Variants in CSF1R observed in about 807,000 individuals in gnomAD.
The protein encoded by CSF1R is macrophage colony-stimulating factor 1 receptor.
A neutral mutation model predicts 110.0 loss-of-function variants in CSF1R; 40 were observed. The observed-to-expected ratio is 0.36, with a 90% CI of 0.28 to 0.47. CSF1R has a LOEUF of 0.47. CSF1R is among the 20% of genes least tolerant of loss of function. The probability of loss-of-function intolerance (pLI) is 0.99; values close to 1 mark genes in which losing one functional copy is unlikely to be tolerated. For synonymous variants in CSF1R, 523 were observed against 503.4 expected, an observed-to-expected ratio of 1.04 and a Z score of -0.52; for missense variants, 1,052 against 1,253.0, an observed-to-expected ratio of 0.84 and a Z score of 2.42.
Position 150,080,275 on chromosome 5 carries a change from T to G in CSF1R, c.369A>C (p.Ala123=), listed in dbSNP as rs147673106. Residue 123 remains alanine (A), a synonymous_variant, in exon 3 of 21, where the codon GCA becomes GCC. Transcript: ENST00000675795. Reference sequence around the variant, plus strand: ...GGTCTGTGAGCAGACAGGGCAGTAGTGCGTCCTGGTCCTCGAACACGACCA... The same window carrying G: ...GGTCTGTGAGCAGACAGGGCAGTAGGGCGTCCTGGTCCTCGAACACGACCA... The part of the protein sequence containing the change: ...QEVVVFEDQD[A]LLPCLLTDPV... 1.4e-5 allele frequency: 22 copies of G among 1,613,872 alleles called. No homozygotes were observed. Among genetic ancestry groups the G allele is most frequent in the Non-Finnish European group, 1.9e-5 (22 of 1,180,056 alleles).
rs747006490 is a variant in CSF1R, at chr5:150,080,343, T to C, written c.308-7A>G. On this transcript the variant is annotated splice_polypyrimidine_tract_variant and splice_region_variant and intron_variant, in intron 2 of 20. Transcript: ENST00000675795. ...TTCCAGGGCCGGGCAGGGTCTAGAG[T>C]AGAGGAGGGCACAGGGTTACAACTG... 5 of 1,610,546 alleles carry C rather than the reference T, an allele frequency of 3.1e-6. No individual in the cohort carries two copies. The African/African-American group carries it at 5.3e-5, about 17-fold the overall frequency.
At position 150,080,854 on chromosome 5, in the gene CSF1R, C is replaced by T. The variant is rs756076440; in HGVS notation, c.220G>A (p.Ala74Thr). ...TAGGTCCCCGTGTTTTGGAAGGTAG[C>T]GTTGTTGGTGCTGAGGATGCTGCTG... ...GSSSILSTNN[A>T]TFQNTGTYRC... Residue 74 changes from alanine (A) to threonine (T), a missense_variant, in exon 2 of 21, where the codon GCT becomes ACT. This residue lies in a region of CSF1R where 693 missense variants were observed against 735.4 expected (regional missense o/e 0.94). Coordinates refer to ENST00000675795, the MANE Select transcript of CSF1R (RefSeq NM_001288705.3). The T allele has an allele frequency of 2.2e-5, 35 of 1,613,974 alleles. No homozygotes were observed. The highest frequency in any genetic ancestry group is 1.1e-4 in the East Asian group (5 of 44,890).
At chr5:150,083,070 G>T (rs1352879545) in intron 1 of CSF1R, among the ~76,000 whole-genome samples, 9 of 151,976 alleles carry the variant, frequency 5.9e-5, no homozygotes, top group African/African-American at 2.2e-4. Flanking sequence ...AGGTATTCAC[G>T]CAGGATAAGG....
chr5:150,067,756 A>AC (rs1463173302), intron 10 of CSF1R, among the ~76,000 whole-genome samples: 1 of 152,142 alleles, frequency 6.6e-6, no homozygotes, highest in Non-Finnish European at 1.5e-5. Context: ...GTGCCAGGAC[A>AC]CCCCTGGGCT....
At chr5:150,061,302 G>A (rs1387528801) in intron 12 of CSF1R, among the ~76,000 whole-genome samples, 189 bp downstream of exon 12, 1 of 152,174 alleles carries the variant, frequency 6.6e-6, no homozygotes, top group Non-Finnish European at 1.5e-5. Flanking sequence ...GGGTGACCTA[G>A]ACCTTCTTGG....
chr5:150,056,785 C>G (rs749882678), intron 16 of CSF1R, among the ~76,000 whole-genome samples: 1 of 152,146 alleles, frequency 6.6e-6, no homozygotes, highest in African/African-American at 2.4e-5. Flanking sequence ...AACTGAGGCA[C>G]AGAATTTAAA....
intron 1 of CSF1R, among the ~76,000 whole-genome samples, chr5:150,111,569 C>T (rs1252594483): frequency 6.6e-6 from 1 of 152,180 alleles, no homozygotes; most frequent in Non-Finnish European, 1.5e-5. Context: ...AAACACAGTA[C>T]CAGAAGGTCT....
intron 10 of CSF1R, among the ~76,000 whole-genome samples, chr5:150,062,911 G>A (rs2282806): frequency 0.12 from 17,554 of 152,154 alleles, 1,266 homozygotes; most frequent in Admixed American, 0.26. Flanking sequence ...GAATGATCCT[G>A]GCAAGTTTGA....
At position 150,054,799 on chromosome 5, in the gene CSF1R, C is replaced by T. The variant is rs118020718; in HGVS notation, c.2655-369G>A. The T allele has an allele frequency of 3.4e-4, 86 of 255,896 alleles. No individual in the cohort carries two copies. In the East Asian group the frequency reaches 7.3e-3, roughly 22 times the overall value. 15.9% of individuals were successfully genotyped at this position (255,896 alleles called of 1,614,324 possible). ...GCCAGGAGTTCCAGACCAGCCTGGA[C>T]AACATAGTGAGATCCCATCTCTACT... On this transcript the variant is annotated intron_variant, in intron 19 of 20. Transcript: ENST00000675795.
intron 1 of CSF1R, among the ~76,000 whole-genome samples, chr5:150,106,057 T>A (rs2113868183): frequency 6.6e-6 from 1 of 152,322 alleles, no homozygotes; most frequent in South Asian, 2.1e-4. Context: ...CCTACGCTAA[T>A]GACCAGCACA....
Position 150,056,267 on chromosome 5 carries a change from C to T in CSF1R, c.2394G>A (p.Gly798=), listed in dbSNP as rs2113779400. Residue 798 remains glycine (G), a synonymous_variant, in exon 17 of 21, where the codon GGG becomes GGA. Coordinates refer to ENST00000675795, the MANE Select transcript of CSF1R (RefSeq NM_001288705.3). ...AGTCATTCATGATGTCCCTAGCCAG[C>T]CCGAAGTCCCCAATCTTGGCCACAT... The part of the protein sequence containing the change: ...NGHVAKIGDF[G]LARDIMNDSN... The T allele has an allele frequency of 6.2e-7, 1 of 1,614,212 alleles. No individual in the cohort carries two copies. The highest frequency in any genetic ancestry group is 8.5e-7 in the Non-Finnish European group (1 of 1,180,040).
At chr5:150,068,942 A>G (rs1197947713) in intron 9 of CSF1R, among the ~76,000 whole-genome samples, 1 of 152,178 alleles carries the variant, frequency 6.6e-6, no homozygotes, top group East Asian at 1.9e-4. Context: ...CACCTGTGCC[A>G]CTTGGGAGCT....
chr5:150,077,165 G>T, intron 5 of CSF1R, 111 bp downstream of exon 5: 1 of 1,409,934 alleles, frequency 7.1e-7, no homozygotes, highest in Non-Finnish European at 1.0e-6. Flanking sequence ...AACTCCAGCA[G>T]AGATATCCTC....
chr5:150,105,675 G>A (rs575529780), intron 1 of CSF1R, among the ~76,000 whole-genome samples: 23 of 151,926 alleles, frequency 1.5e-4, no homozygotes, highest in South Asian at 1.5e-3. Context: ...GGCACACACC[G>A]CCCACTTGAC....
At chr5:150,067,269 C>T (rs1476384183) in intron 10 of CSF1R, 2 of 152,090 alleles carry the variant, frequency 1.3e-5, no homozygotes, top group African/African-American at 2.4e-5. Context: ...TACTTCCTGC[C>T]TCCAGCTTCT....
intron 16 of CSF1R, among the ~76,000 whole-genome samples, 166 bp from the exon 17 acceptor site, chr5:150,056,507 G>A (rs549143451): frequency 6.6e-6 from 1 of 152,278 alleles, no homozygotes; most frequent in African/African-American, 2.4e-5. Context: ...CCAGGGCCCA[G>A]GATCTGAGAA....
chr5:150,102,049 C>G (rs1759420194), intron 1 of CSF1R, among the ~76,000 whole-genome samples: 1 of 152,154 alleles, frequency 6.6e-6, no homozygotes, highest in Non-Finnish European at 1.5e-5. Flanking sequence ...AATGGACACT[C>G]TAGTTCCTTC....
At chr5:150,089,092 C>T (rs1002972029), upstream of CSF1R, among the ~76,000 whole-genome samples, 2 of 152,198 alleles carry the variant, frequency 1.3e-5, no homozygotes, top group African/African-American at 2.4e-5. Flanking sequence ...TGATTAAGGG[C>T]ACATGTGAAA....
At chr5:150,081,468 GAAA>G (rs747828024) in intron 1 of CSF1R, among the ~76,000 whole-genome samples, 1 of 150,994 alleles carries the variant, frequency 6.6e-6, no homozygotes, top group East Asian at 1.9e-4. Flanking sequence ...ATATGGGAAA[GAAA>G]AAAAAAGAGA....
Sources: gnomAD v4.1 joint callset for allele counts (sites outside exome capture counted in the v4.1 genomes callset) on GRCh38, gnomAD v4.1.1 for gene constraint, gnomAD v4.1.1 regional missense constraint, MANE v1.5 for transcripts, NCBI Gene and HGNC (gene_info 2026-07-23, HGNC 2026-07-21) for gene names.